Variants in GALK2 observed in about 807,000 individuals in gnomAD.
GALK2 encodes N-acetylgalactosamine kinase.
Under a neutral mutation model 52.4 loss-of-function variants are expected in GALK2, and 36 were observed. The ratio of observed to expected loss-of-function variants is 0.69; its 90% CI spans 0.53 to 0.91. The LOEUF is 0.91. Ranked by LOEUF, GALK2 falls within the 40% of genes least tolerant of loss-of-function variation. GALK2 has a pLI of 0.00. For missense variants in GALK2, 579 were observed against 559.1 expected (o/e 1.04, Z -0.36); for synonymous variants, 176 against 199.1 (o/e 0.88, Z 0.98).
intron 5 of GALK2, among the ~76,000 whole-genome samples, chr15:49,241,068 C>G (rs898590808): frequency 6.6e-6 from 1 of 151,862 alleles, no homozygotes; most frequent in African/African-American, 2.4e-5. Context: ...AAGATTATAT[C>G]GGTGTCTGGC....
intron 3 of GALK2, among the ~76,000 whole-genome samples, chr15:49,357,707 A>G (rs1467315278): frequency 6.6e-6 from 1 of 152,036 alleles, no homozygotes; most frequent in Non-Finnish European, 1.5e-5. Flanking sequence ...CAATCAATAG[A>G]AAAAGAGGGA....
chr15:49,306,466 T>C (rs1165879539), intron 8 of GALK2, among the ~76,000 whole-genome samples: 1 of 152,140 alleles, frequency 6.6e-6, no homozygotes, highest in Non-Finnish European at 1.5e-5. Context: ...AAGACAACAA[T>C]AAAATAATAA....
rs529193881 is a variant in GALK2 at position 49,349,535 on chromosome 15, T to C, written c.427-17956T>C. Among the ~76,000 whole-genome samples the C allele has an allele frequency of 2.6e-5, 4 of 152,320 alleles. No homozygotes were observed. The South Asian group carries it at 6.2e-4, about 24-fold the overall frequency. On this transcript the variant is annotated intron_variant, in intron 3 of 3. Transcript: ENST00000558399. ...TATTCTCTATTACATAAGTTTTAAA[T>C]GTATTTTTAAAAATCTGAAATTGGT...
upstream of GALK2, among the ~76,000 whole-genome samples, chr15:49,168,871 A>G (rs2084914928): frequency 6.6e-6 from 1 of 152,114 alleles, no homozygotes; most frequent in Non-Finnish European, 1.5e-5. Context: ...CAAAATGAAC[A>G]TCAAACTGGG....
chr15:49,299,645 T>G (rs528724203), intron 8 of GALK2, among the ~76,000 whole-genome samples: 16 of 152,238 alleles, frequency 1.1e-4, no homozygotes, highest in African/African-American at 3.8e-4. Context: ...ACCTAAAAGT[T>G]ATTCAGGAGC....
intron 3 of GALK2, among the ~76,000 whole-genome samples, chr15:49,341,482 T>C (rs1415799946): frequency 6.6e-6 from 1 of 152,170 alleles, no homozygotes; most frequent in African/African-American, 2.4e-5. Flanking sequence ...CTGGGTTAGA[T>C]GTACCTGTGA....
At chr15:49,189,172 A>G (rs2086558504) in intron 1 of GALK2, among the ~76,000 whole-genome samples, 2 of 152,200 alleles carry the variant, frequency 1.3e-5, no homozygotes, top group Admixed American at 1.3e-4. Context: ...ACTGGGGCCT[A>G]GTGGAGGAAC....
chr15:49,357,280 A>C (rs1178945366), intron 3 of GALK2, among the ~76,000 whole-genome samples: 11 of 148,960 alleles, frequency 7.4e-5, no homozygotes, highest in African/African-American at 2.7e-4. Context: ...CCTTCAAAAA[A>C]TTAGTGAATC....
chr15:49,178,452 T>G (rs1183561616), intron 1 of GALK2: 1 of 262,780 alleles, frequency 3.8e-6, no homozygotes, highest in Non-Finnish European at 7.5e-6. Flanking sequence ...TTCAATGGAC[T>G]TCAAGCATAC....
intron 5 of GALK2, among the ~76,000 whole-genome samples, chr15:49,275,524 T>C (rs1320762800): frequency 6.6e-6 from 1 of 152,206 alleles, no homozygotes; most frequent in Non-Finnish European, 1.5e-5. Context: ...TGACTTGCAC[T>C]TATGGCAGCT....
Position 49,328,130 on chromosome 15 carries a change from G to A in GALK2, c.1348G>A (p.Gly450Ser). Residue 450 changes from glycine (G) to serine (S), a missense_variant, in exon 10 of 10, where the codon GGT (glycine) becomes AGT (serine). Transcript: ENST00000560031. Reference sequence around the variant, plus strand: ...AAGTTTGTTTGCTACCAAACCTGGAGGTGGGGCTTTGGTTTTGCTTGAGGC... The same window carrying A: ...AAGTTTGTTTGCTACCAAACCTGGAAGTGGGGCTTTGGTTTTGCTTGAGGC... Reference protein sequence around the residue: ...KQSLFATKPGGGALVLLEA With the variant: ...KQSLFATKPGSGALVLLEA 1.2e-6 allele frequency: 2 copies of A among 1,614,070 alleles called. No individual in the cohort carries two copies. The highest frequency in any genetic ancestry group is 1.7e-6 in the Non-Finnish European group (2 of 1,179,972).
chr15:49,295,325 CTCTCTA>C (rs981464428), intron 8 of GALK2, among the ~76,000 whole-genome samples: 6 of 145,724 alleles, frequency 4.1e-5, no homozygotes, highest in African/African-American at 1.6e-4. Context: ...CTCTCTCTCT[CTCTCTA>C]TCTATATATA....
chr15:49,191,121 G>GA (rs2086692587), intron 1 of GALK2, among the ~76,000 whole-genome samples: 1 of 151,994 alleles, frequency 6.6e-6, no homozygotes, highest in Non-Finnish European at 1.5e-5. Flanking sequence ...ACAAAGGGCT[G>GA]AAAAAAGCAG....
In GALK2 at chr15:49,212,086, AT is replaced by A. The variant is rs200743637; in HGVS notation, c.143-5098del. Among the ~76,000 whole-genome samples the A allele has an allele frequency of 6.4e-3, 968 of 151,930 alleles. 17 individuals carry two copies. The highest frequency in any genetic ancestry group is 0.022 in the African/African-American group (931 of 41,456). On this transcript the variant is annotated intron_variant, in intron 2 of 9. Coordinates refer to ENST00000560031, the MANE Select transcript of GALK2 (RefSeq NM_002044.4). ...GACTTTATTTATTTGAATCTTCTTT[AT>A]TTTTTACTTTTTCTTTTTTGTTTGA...
chr15:49,309,381 A>G (rs776386201), intron 8 of GALK2, among the ~76,000 whole-genome samples: 1 of 152,148 alleles, frequency 6.6e-6, no homozygotes, highest in Non-Finnish European at 1.5e-5. Flanking sequence ...TAAAAACATA[A>G]TGATTTCTTA....
chr15:49,224,311 A>G (rs916590052), intron 3 of GALK2, among the ~76,000 whole-genome samples: 3 of 152,110 alleles, frequency 2.0e-5, no homozygotes, highest in African/African-American at 7.2e-5. Flanking sequence ...CTCTGTTGAT[A>G]GTTTCTTTCG....
intron 1 of GALK2, chr15:49,177,851 C>T (rs534973904): frequency 1.6e-4 from 37 of 238,354 alleles, no homozygotes; most frequent in African/African-American, 7.1e-4. Flanking sequence ...GAATCTTCAC[C>T]GAAGTGAGAA....
chr15:49,325,357 C>T (rs1317647129), intron 9 of GALK2, among the ~76,000 whole-genome samples: 1 of 152,120 alleles, frequency 6.6e-6, no homozygotes, highest in African/African-American at 2.4e-5. Context: ...TTTTGTAATT[C>T]TTGTATTGCC....
intron 3 of GALK2, chr15:49,366,731 T>C (rs8034112): frequency 0.38 from 379,140 of 1,002,656 alleles, 72,649 homozygotes; most frequent in African/African-American, 0.45. Flanking sequence ...GCTCACTAGG[T>C]GGGGTAGGCT....
Sources: allele counts gnomAD v4.1 joint callset (sites outside exome capture counted in the v4.1 genomes callset), GRCh38; gene constraint gnomAD v4.1.1; transcripts MANE v1.5; gene names NCBI Gene and HGNC (gene_info 2026-07-23, HGNC 2026-07-21).